PCDHA4: variants seen among roughly 807,000 people sequenced by gnomAD.
PCDHA4 encodes protocadherin alpha-4.
In PCDHA4, 49 loss-of-function variants were observed where a neutral mutation model predicts 61.4. That is an observed-to-expected ratio of 0.80 (90% CI 0.63 to 1.01). The LOEUF (loss-of-function observed/expected upper bound fraction) is 1.01, where lower values mean the gene tolerates loss of function less well. PCDHA4 is among the 50% of genes least tolerant of loss of function. PCDHA4 has a pLI of 0.00. For missense variants in PCDHA4, 1,254 were observed against 1,235.8 expected (o/e 1.01, Z -0.22); for synonymous variants, 590 against 550.3 (o/e 1.07, Z -1.01).
chr5:140,808,178 T>C lies in PCDHA4; in HGVS notation c.991T>C (p.Ser331Pro), dbSNP rs782647325. 1 of 1,614,262 alleles carries C rather than the reference T, an allele frequency of 6.2e-7. No homozygotes were observed. The highest frequency in any genetic ancestry group is 8.5e-7 in the Non-Finnish European group (1 of 1,180,050). Residue 331 changes from serine to proline, a missense_variant, in exon 1 of 4, where the codon TCT becomes CCT. Transcript: ENST00000530339. ...CATTGATAAGGGACAGCTCCCACTT[T>C]CTGGCCATTGTAGAGTTATTGTGGA... ...EGIDKGQLPL[S>P]GHCRVIVEVE...
chr5:140,981,252 T>C (rs1482350756), intron 2 of PCDHA4, among the ~76,000 whole-genome samples: 1 of 152,240 alleles, frequency 6.6e-6, no homozygotes, highest in African/African-American at 2.4e-5. Context: ...GAAATTTAAC[T>C]TTCAAGATAA....
chr5:140,854,159 C>CAAAA (rs59855104), intron 1 of PCDHA4: 33,814 of 339,152 alleles, frequency 0.1, 739 homozygotes, highest in Middle Eastern at 0.12. Flanking sequence ...GATTCTGTCT[C>CAAAA]AAAAAAAAAA....
At chr5:140,836,936 A>C in intron 1 of PCDHA4, 1 of 476,206 alleles carries the variant, frequency 2.1e-6, no homozygotes, top group Non-Finnish European at 3.6e-6. Context: ...GTAATACTAT[A>C]GATCAAAATC....
intron 3 of PCDHA4, among the ~76,000 whole-genome samples, chr5:141,006,789 C>T (rs1388215052): frequency 6.6e-6 from 1 of 152,026 alleles, no homozygotes; most frequent in Non-Finnish European, 1.5e-5. Flanking sequence ...GAATAATTAG[C>T]TTTGAACTTT....
At position 140,953,768 on chromosome 5, in the gene PCDHA4, A is replaced by G. The variant is rs146090592; in HGVS notation, c.2386-25181A>G. Among the ~76,000 whole-genome samples, 15 of 152,248 alleles carry G rather than the reference A, an allele frequency of 9.9e-5. No homozygotes were observed. In the East Asian group the frequency reaches 2.7e-3, roughly 27 times the overall value. The stretch of plus-strand genomic sequence containing the variant: ...TACATTTATCCAAGAATTAAATTTA[A>G]TATTTATTTATTTTTTTCTTCAACT... On this transcript the variant is annotated intron_variant, in intron 1 of 3. Coordinates refer to ENST00000530339, the MANE Select transcript of PCDHA4 (RefSeq NM_018907.4).
At chr5:140,938,424 T>C (rs960926721) in intron 1 of PCDHA4, among the ~76,000 whole-genome samples, 1 of 152,204 alleles carries the variant, frequency 6.6e-6, no homozygotes, top group African/African-American at 2.4e-5. Flanking sequence ...TTTGCAAAAA[T>C]CCTTTATCAG....
intron 1 of PCDHA4, chr5:140,852,609 A>G (rs1581283750): frequency 2.1e-6 from 2 of 936,558 alleles, no homozygotes; most frequent in East Asian, 1.1e-4. Context: ...TTTTCTTTCA[A>G]AACTTGAGTG....
rs112458290 is a variant in PCDHA4, at chr5:140,842,855, A to G, written c.2385+33283A>G. 3.5e-3 allele frequency: 5,603 copies of G among 1,593,762 alleles called. 526 individuals carry two copies. The African/African-American group carries it at 0.06, about 17-fold the overall frequency. On this transcript the variant is annotated intron_variant, in intron 1 of 3. Coordinates refer to ENST00000530339, the MANE Select transcript of PCDHA4 (RefSeq NM_018907.4). ...GCTGTCGAGCTACATTTCGGTGCACACGGAGAGCGGCAAGGTGTACGCGCT... is the reference window on the plus strand; with the variant it reads ...GCTGTCGAGCTACATTTCGGTGCACGCGGAGAGCGGCAAGGTGTACGCGCT...
rs183786609 is a variant in PCDHA4, at chr5:140,896,576, C to T, written c.2386-82373C>T. ...ATTTTAAGTAGAGATGGGGTTTTGA[C>T]GTGTTGGCCAGGCTGGTCTCGAACT... On this transcript the variant is annotated intron_variant, in intron 1 of 3. Transcript: ENST00000530339. Among the ~76,000 whole-genome samples the T allele has an allele frequency of 3.4e-4, 51 of 151,254 alleles. No individual in the cohort carries two copies. The East Asian group carries it at 4.9e-3, about 14-fold the overall frequency.
At chr5:140,891,681 C>T (rs1021117286) in intron 1 of PCDHA4, among the ~76,000 whole-genome samples, 1 of 152,150 alleles carries the variant, frequency 6.6e-6, no homozygotes, top group African/African-American at 2.4e-5. Flanking sequence ...TAATAATTCT[C>T]TCTTCTTGCT....
chr5:140,961,748 A>G (rs2095633419), intron 1 of PCDHA4, among the ~76,000 whole-genome samples: 1 of 152,184 alleles, frequency 6.6e-6, no homozygotes, highest in Non-Finnish European at 1.5e-5. Flanking sequence ...GTAATATTAC[A>G]GTTTTGAAGG....
rs2150160526 is a variant in PCDHA4 at position 140,828,906 on chromosome 5, G to C, written c.2385+19334G>C. The C allele has an allele frequency of 2.8e-5, 45 of 1,614,124 alleles. No homozygotes were observed. The highest frequency in any genetic ancestry group is 3.6e-5 in the Non-Finnish European group (42 of 1,180,056). The stretch of plus-strand genomic sequence containing the variant: ...CTGAATGCTTCTGATCGGGATGAAG[G>C]AGCGAATGGGGCAATTTCATATTCT... On this transcript the variant is annotated intron_variant, in intron 1 of 3. Coordinates refer to ENST00000530339, the MANE Select transcript of PCDHA4 (RefSeq NM_018907.4).
At chr5:141,000,361 G>GTC (rs148596731) in intron 3 of PCDHA4, among the ~76,000 whole-genome samples, 441 of 26,430 alleles carry the variant, frequency 0.017, 8 homozygotes, top group Non-Finnish European at 0.02. Flanking sequence ...GTCTCTCTCT[G>GTC]TCTCTCTCTC....
intron 1 of PCDHA4, chr5:140,862,898 C>T (rs782019926): frequency 8.8e-5 from 49 of 555,816 alleles, no homozygotes; most frequent in Non-Finnish European, 7.3e-5. Flanking sequence ...ACAACTTTGT[C>T]TGCGCTGCTG....
rs782733393 is a variant in PCDHA4 at position 140,875,889 on chromosome 5, G to T, written c.2385+66317G>T. The T allele has an allele frequency of 4.8e-5, 78 of 1,614,056 alleles. No homozygotes were observed. The highest frequency in any genetic ancestry group is 5.8e-5 in the Non-Finnish European group (69 of 1,180,042). On this transcript the variant is annotated intron_variant, in intron 1 of 3. Coordinates refer to ENST00000530339, the MANE Select transcript of PCDHA4 (RefSeq NM_018907.4). ...CGGTGTTCAGAGAAAGGGAACAAAA[G>T]GTACCTGTTTCTGAATCTGCGCCTC...
intron 3 of PCDHA4, among the ~76,000 whole-genome samples, chr5:141,003,222 G>A (rs1221950770): frequency 2.6e-5 from 4 of 152,224 alleles, no homozygotes; most frequent in Non-Finnish European, 4.4e-5. Flanking sequence ...CATGAAAGAG[G>A]AAAGCTGGAA....
At chr5:140,821,634 G>A (rs2150109969) in intron 1 of PCDHA4, 20,472 of 1,004,422 alleles carry the variant, frequency 0.02, 283 homozygotes, top group Non-Finnish European at 0.025. Context: ...AGACAGAAAG[G>A]AAAAGAACCT....
chr5:140,867,480 G>T (rs1447452971), intron 1 of PCDHA4: 1 of 152,028 alleles, frequency 6.6e-6, no homozygotes, highest in African/African-American at 2.4e-5. Context: ...TGGGAAAAGA[G>T]TAAATATGAA....
At position 140,848,981 on chromosome 5, in the gene PCDHA4, C is replaced by A. The variant is rs2150427833; in HGVS notation, c.2385+39409C>A. 2.6e-5 allele frequency: 41 copies of A among 1,598,746 alleles called. No homozygotes were observed. The Middle Eastern group carries it at 5.0e-4, about 19-fold the overall frequency. On this transcript the variant is annotated intron_variant, in intron 1 of 3. Transcript: ENST00000530339. ...TAGAGGGCGCGTCCGATGCAGATAT[C>A]GGGGAGAACGCCCTGCTCACTTACA...
Sources: allele counts gnomAD v4.1 joint callset (sites outside exome capture counted in the v4.1 genomes callset), GRCh38; gene constraint gnomAD v4.1.1; transcripts MANE v1.5; gene names NCBI Gene and HGNC (gene_info 2026-07-23, HGNC 2026-07-21).